The following BAIAP3 variants were observed in gnomAD, a reference collection of about 807,000 sequenced individuals.
BAIAP3 encodes BAI1-associated protein 3.
Under a neutral mutation model 149.7 loss-of-function variants are expected in BAIAP3, and 180 were observed. The ratio of observed to expected loss-of-function variants is 1.20; its 90% CI spans 1.07 to 1.36. The LOEUF (loss-of-function observed/expected upper bound fraction) is 1.36, where lower values mean the gene tolerates loss of function less well. BAIAP3 is among the 40% of genes most tolerant of loss of function. The pLI is 0.00. For synonymous variants in BAIAP3, 845 were observed against 670.7 expected, an observed-to-expected ratio of 1.26 and a Z score of -4.02; for missense variants, 1,767 against 1,563.4, an observed-to-expected ratio of 1.13 and a Z score of -2.20.
In BAIAP3 at chr16:1,339,178, T is replaced by C; in HGVS notation, c.234T>C (p.Ser78=). The C allele has an allele frequency of 6.4e-7, 1 of 1,566,582 alleles. No individual in the cohort carries two copies. Among genetic ancestry groups the C allele is most frequent in the Non-Finnish European group, 8.6e-7 (1 of 1,157,406 alleles). ...CCCACACACAGGTCCCCCTGCGCAG[T>C]GGCTCGCCAGCACCCCCGGAGCCTG... The part of the protein sequence containing the change: ...GLPCLEVPLR[S]GSPAPPEPVD... Residue 78 remains serine (S), a synonymous_variant, in exon 4 of 34, where the codon AGT becomes AGC. Coordinates refer to ENST00000426824, the MANE Select transcript of BAIAP3 (RefSeq NM_001199097.2).
At chr16:1,345,161 AG>A (rs2034226620) in intron 21 of BAIAP3, 62 bp downstream of exon 21, 3 of 1,610,328 alleles carry the variant, frequency 1.9e-6, no homozygotes, top group South Asian at 2.2e-5. Context: ...AGGACCTGTG[AG>A]GGGGACGGTC....
At chr16:1,343,609 C>A in intron 15 of BAIAP3, 96 bp downstream of exon 15, 2 of 1,507,602 alleles carry the variant, frequency 1.3e-6, no homozygotes, top group Admixed American at 2.1e-5. Flanking sequence ...GAGTCCTGCC[C>A]GCGTGGGGGT....
chr16:1,338,452 C>CCGGGG, intron 1 of BAIAP3, 88 bp from the exon 2 acceptor site: 3 of 211,092 alleles, frequency 1.4e-5, no homozygotes, highest in Non-Finnish European at 3.0e-5. Flanking sequence ...CACCTCTTCC[C>CCGGGG]GCCCCACCCC....
At chr16:1,342,655 C>G (rs758696089) in intron 12 of BAIAP3, 21 bp downstream of exon 12, 9 of 1,604,794 alleles carry the variant, frequency 5.6e-6, no homozygotes. Context: ...TGGGCGTCCC[C>G]GTCCTCCACC....
At chr16:1,345,461 C>G in intron 22 of BAIAP3, 89 bp downstream of exon 22, 1 of 1,034,570 alleles carries the variant, frequency 9.7e-7, no homozygotes, top group Non-Finnish European at 1.2e-6. Flanking sequence ...TCCCCAGCAA[C>G]CCCCAGCCTC....
intron 16 of BAIAP3, 31 bp from the exon 17 acceptor site, chr16:1,344,196 G>A: frequency 6.2e-7 from 1 of 1,612,634 alleles, no homozygotes; most frequent in Non-Finnish European, 8.5e-7. Context: ...TGGCAGGGCA[G>A]GCCCCACGTC....
intron 21 of BAIAP3, 68 bp from the exon 22 acceptor site, chr16:1,345,181 G>A: frequency 1.2e-6 from 2 of 1,609,214 alleles, no homozygotes; most frequent in South Asian, 1.1e-5. Flanking sequence ...TCCTGGAGCT[G>A]TGAGCCTGGA....
intron 28 of BAIAP3, 170 bp from the exon 29 acceptor site, chr16:1,347,128 T>C: frequency 2.3e-6 from 2 of 886,252 alleles, no homozygotes; most frequent in Non-Finnish European, 3.4e-6. Flanking sequence ...GGTGATGGCC[T>C]TTCCCCACGC....
In BAIAP3 at chr16:1,333,756, G is replaced by C. The variant is rs2033281569; in HGVS notation, c.-11+7G>C. ...ATCCCCGCGCCGGCCCACGGTAAGTGCCGCGGGCTGCGGCCAGTGCTGTTG... is the reference window on the plus strand; with the variant it reads ...ATCCCCGCGCCGGCCCACGGTAAGTCCCGCGGGCTGCGGCCAGTGCTGTTG... On this transcript the variant is annotated splice_region_variant and intron_variant, in intron 1 of 33. Coordinates refer to ENST00000426824, the MANE Select transcript of BAIAP3 (RefSeq NM_001199097.2). The C allele has an allele frequency of 6.6e-6, 1 of 152,004 alleles. No homozygotes were observed. The highest frequency in any genetic ancestry group is 1.5e-5 in the Non-Finnish European group (1 of 67,974). 9.4% of individuals were successfully genotyped at this position (152,004 alleles called of 1,614,324 possible).
chr16:1,348,335 G>A (rs779856626), intron 33 of BAIAP3, 34 bp downstream of exon 33: 43 of 1,605,358 alleles, frequency 2.7e-5, no homozygotes, highest in African/African-American at 2.7e-4. Flanking sequence ...CAGGGGCAGC[G>A]GGCCTGACCC....
At position 1,349,156 on chromosome 16, in the gene BAIAP3, T is replaced by G. The variant is rs1335199842; in HGVS notation, c.*674T>G. The G allele has an allele frequency of 1.4e-5, 7 of 486,710 alleles. No homozygotes were observed. The East Asian group carries it at 2.8e-4, about 19-fold the overall frequency. 30.1% of individuals were successfully genotyped at this position (486,710 alleles called of 1,614,324 possible). A position where few individuals can be genotyped will look rare whatever the true frequency, so the allele number is the denominator to read the frequency against. On this transcript the variant is annotated 3_prime_UTR_variant, in exon 34 of 34. Coordinates refer to ENST00000426824, the MANE Select transcript of BAIAP3 (RefSeq NM_001199097.2). ...CACATATCCGTGGCCACCTGAGACC[T>G]GCTCCACGACCCTTCCAGGCAGAGC...
At chr16:1,335,949 C>T (rs1435898397) in intron 1 of BAIAP3, among the ~76,000 whole-genome samples, 1 of 152,222 alleles carries the variant, frequency 6.6e-6, no homozygotes, top group African/African-American at 2.4e-5. Context: ...GAGCAAAGGG[C>T]ACCCCTCTCG....
At chr16:1,343,367 CT>C (rs1555448229) in intron 14 of BAIAP3, 25 bp from the exon 15 acceptor site, 3 of 1,572,720 alleles carry the variant, frequency 1.9e-6, no homozygotes, top group Non-Finnish European at 2.6e-6. Flanking sequence ...GGTTCATACC[CT>C]TTGACCATGG....
At chr16:1,338,090 G>A (rs1044337245) in intron 1 of BAIAP3, among the ~76,000 whole-genome samples, 1 of 152,174 alleles carries the variant, frequency 6.6e-6, no homozygotes, top group East Asian at 1.9e-4. Context: ...TGGCCCCAGA[G>A]TCGGCACGGG....
intron 17 of BAIAP3, 22 bp from the exon 18 acceptor site, chr16:1,344,447 G>T (rs1567167455): frequency 1.2e-6 from 2 of 1,613,004 alleles, no homozygotes; most frequent in Non-Finnish European, 1.7e-6. Flanking sequence ...CCACCATGCT[G>T]TCTTGGTGGT....
Position 1,348,836 on chromosome 16 carries a change from C to T in BAIAP3, c.*354C>T. ...GCGGTGGGCAGCTGGTCTCCAGGGA[C>T]TCAGTGAGTGGCTGTGCTCTCTGCA... On this transcript the variant is annotated 3_prime_UTR_variant, in exon 34 of 34. Coordinates refer to ENST00000426824, the MANE Select transcript of BAIAP3 (RefSeq NM_001199097.2). 1 of 413,736 alleles carries T rather than the reference C, an allele frequency of 2.4e-6. No individual in the cohort carries two copies. The highest frequency in any genetic ancestry group is 2.8e-5 in the South Asian group (1 of 35,216). The allele number at this position is 413,736 out of a possible 1,614,324, so 25.6% of individuals were successfully genotyped here. A position where few individuals can be genotyped will look rare whatever the true frequency, so the allele number is the denominator to read the frequency against.
Position 1,342,651 on chromosome 16 carries a change from T to C in BAIAP3, c.1065+17T>C, listed in dbSNP as rs1468644589. 6.2e-7 allele frequency: 1 copy of C among 1,601,952 alleles called. No homozygotes were observed. Among genetic ancestry groups the C allele is most frequent in the East Asian group, 2.3e-5 (1 of 44,146 alleles). Reference sequence around the variant, plus strand: ...ACTACGCAGGTGGGGAAAGTGGGCGTCCCCGTCCTCCACCCCCGTCCTTGG... The same window carrying C: ...ACTACGCAGGTGGGGAAAGTGGGCGCCCCCGTCCTCCACCCCCGTCCTTGG... On this transcript the variant is annotated intron_variant, in intron 12 of 33. Transcript: ENST00000426824.
intron 2 of BAIAP3, 30 bp downstream of exon 2, chr16:1,338,710 C>T (rs1427746352): frequency 1.3e-6 from 2 of 1,562,304 alleles, no homozygotes; most frequent in Admixed American, 3.8e-5. Context: ...GCCCCACACG[C>T]CCACAGGGCC....
In BAIAP3 at chr16:1,348,256, G is replaced by A. The variant is rs777975522; in HGVS notation, c.3310G>A (p.Ala1104Thr). 15 of 1,603,216 alleles carry A rather than the reference G, an allele frequency of 9.4e-6. No homozygotes were observed. Among genetic ancestry groups the A allele is most frequent in the Non-Finnish European group, 1.3e-5 (15 of 1,176,946 alleles). The part of the protein sequence containing the change: ...ARPQVGGGAR[A>T]GQPVTLHLCR... The stretch of plus-strand genomic sequence containing the variant: ...GCCCCAGGTGGGCGGGGGTGCAAGG[G>A]CTGGGCAGCCTGTCACCCTGCACCT... Residue 1104 changes from alanine to threonine, a missense_variant, in exon 33 of 34, where the codon GCT (alanine) becomes ACT (threonine). By Grantham distance (58) the Ala-to-Thr change is moderately conservative (BLOSUM62 0). Transcript: ENST00000426824.
Sources: allele counts gnomAD v4.1 joint callset (sites outside exome capture counted in the v4.1 genomes callset), GRCh38; gene constraint gnomAD v4.1.1; transcripts MANE v1.5; gene names NCBI Gene and HGNC (gene_info 2026-07-23, HGNC 2026-07-21).